Variants in WNT5B observed in about 807,000 individuals in gnomAD.
The protein encoded by WNT5B is protein Wnt-5b.
Under a neutral mutation model 36.5 loss-of-function variants are expected in WNT5B, and 18 were observed. The observed-to-expected ratio is 0.49, with a 90% CI of 0.34 to 0.73. The LOEUF is 0.73. Among genes scored for constraint, WNT5B ranks in the 30% least tolerant of loss-of-function variants. The probability of loss-of-function intolerance (pLI) is 0.01; values close to 1 mark genes in which losing one functional copy is unlikely to be tolerated. For synonymous variants in WNT5B, 213 were observed against 212.3 expected, an observed-to-expected ratio of 1.00 and a Z score of -0.03; for missense variants, 424 against 508.4, an observed-to-expected ratio of 0.83 and a Z score of 1.60.
chr12:1,621,836 T>C (rs1341836418), intron 1 of WNT5B, among the ~76,000 whole-genome samples: 5 of 151,918 alleles, frequency 3.3e-5, no homozygotes, highest in African/African-American at 9.7e-5. Flanking sequence ...TGAGCCACCA[T>C]GCCTGGCCCC....
upstream of WNT5B, among the ~76,000 whole-genome samples, chr12:1,625,328 T>A (rs1285298975): frequency 6.6e-6 from 1 of 152,214 alleles, no homozygotes; most frequent in East Asian, 1.9e-4. Flanking sequence ...GGGTGAGTAC[T>A]CACCTGGAAA....
Position 1,632,995 on chromosome 12 carries a change from A to T in WNT5B, c.328+90A>T. On this transcript the variant is annotated intron_variant, in intron 3 of 4. Coordinates refer to ENST00000397196, the MANE Select transcript of WNT5B (RefSeq NM_032642.3). The surrounding 1 kb of genome is among the most constrained non-coding windows in gnomAD (Gnocchi z 5.8). ...GCTCTCTCAGGACTGGCACAGGGAGAGCCCAAAGGCAGCCTAAGTGGGCTC... is the reference window on the plus strand; with the variant it reads ...GCTCTCTCAGGACTGGCACAGGGAGTGCCCAAAGGCAGCCTAAGTGGGCTC... 6.6e-7 allele frequency: 1 copy of T among 1,514,372 alleles called. No homozygotes were observed. The highest frequency in any genetic ancestry group is 2.3e-5 in the East Asian group (1 of 43,912). The allele number at this position is 1,514,372 out of a possible 1,614,324, so 93.8% of individuals were successfully genotyped here.
chr12:1,622,988 G>A (rs2094535877), intron 1 of WNT5B, among the ~76,000 whole-genome samples: 1 of 152,072 alleles, frequency 6.6e-6, no homozygotes, highest in Middle Eastern at 3.2e-3. Flanking sequence ...ATTCCCAGAA[G>A]TCGGCAAGGC....
Position 1,630,419 on chromosome 12 carries a change from G to C in WNT5B, c.-57-879G>C, listed in dbSNP as rs2094548284. On this transcript the variant is annotated intron_variant, in intron 1 of 4. Coordinates refer to ENST00000397196, the MANE Select transcript of WNT5B (RefSeq NM_032642.3). The surrounding 1 kb of genome is among the most constrained non-coding windows in gnomAD (Gnocchi z 5.3). ...GATAGAGGAACAGGCGTGGGTTACAGCAGGCAGGAGGCCAAGAGGCGGGAG... is the reference window on the plus strand; with the variant it reads ...GATAGAGGAACAGGCGTGGGTTACACCAGGCAGGAGGCCAAGAGGCGGGAG... Among the ~76,000 whole-genome samples the C allele has an allele frequency of 6.6e-6, 1 of 152,196 alleles. No individual in the cohort carries two copies. Among genetic ancestry groups the C allele is most frequent in the Non-Finnish European group, 1.5e-5 (1 of 68,024 alleles).
chr12:1,643,267 G>A (rs1408318428), intron 4 of WNT5B, among the ~76,000 whole-genome samples: 5 of 152,132 alleles, frequency 3.3e-5, no homozygotes, highest in African/African-American at 1.2e-4. Context: ...GCCTAATCCT[G>A]TAACATTCCT....
rs182063423 is a variant in WNT5B at position 1,634,541 on chromosome 12, C to A, written c.328+1636C>A. Among the ~76,000 whole-genome samples, 14 of 152,282 alleles carry A rather than the reference C, an allele frequency of 9.2e-5. No homozygotes were observed. The East Asian group carries it at 2.7e-3, about 29-fold the overall frequency. ...CACTAGGTGGCCAGCGAAAGCAAAC[C>A]CTGTCGAAGAGAGCCCATCTCTCTG... On this transcript the variant is annotated intron_variant, in intron 3 of 4. Transcript: ENST00000397196.
At chr12:1,635,521 T>G (rs1006701235) in intron 3 of WNT5B, among the ~76,000 whole-genome samples, 2 of 152,212 alleles carry the variant, frequency 1.3e-5, no homozygotes, top group African/African-American at 4.8e-5. Flanking sequence ...ATTCTGGTGA[T>G]TGGAGTCATT....
chr12:1,624,421 T>C (rs1592517632), upstream of WNT5B, among the ~76,000 whole-genome samples: 1 of 150,686 alleles, frequency 6.6e-6, no homozygotes, highest in African/African-American at 2.4e-5. Context: ...GAGAAGGTGT[T>C]ATGCTCTAGT....
In WNT5B at chr12:1,633,653, C is replaced by A. The variant is rs967855857; in HGVS notation, c.328+748C>A. ...TGGCAAGAAATTGAGAAATCCGGCCCTATTCTACTGGGTCTTATCCCCAGG... is the reference window on the plus strand; with the variant it reads ...TGGCAAGAAATTGAGAAATCCGGCCATATTCTACTGGGTCTTATCCCCAGG... On this transcript the variant is annotated intron_variant, in intron 3 of 4. Transcript: ENST00000397196. This position sits in a 1 kb window ranked among gnomAD's most constrained non-coding sequence, Gnocchi z 4.8. 2.6e-5 allele frequency among the ~76,000 whole-genome samples: 4 copies of A among 152,150 alleles called. No individual in the cohort carries two copies. The highest frequency in any genetic ancestry group is 9.7e-5 in the African/African-American group (4 of 41,434).
At chr12:1,642,453 G>A (rs941208664) in intron 4 of WNT5B, among the ~76,000 whole-genome samples, 6 of 152,226 alleles carry the variant, frequency 3.9e-5, no homozygotes, top group Middle Eastern at 3.4e-3. Flanking sequence ...CTTTGCCTTG[G>A]TAGGTTGGCG....
Position 1,645,920 on chromosome 12 carries a change from G to T in WNT5B, c.748G>T (p.Asp250Tyr). Residue 250 changes from aspartate to tyrosine, a missense_variant, in exon 5 of 5, where the codon GAC becomes TAC. Asp to Tyr is a radical substitution (Grantham distance 160). Coordinates refer to ENST00000397196, the MANE Select transcript of WNT5B (RefSeq NM_032642.3). Reference sequence around the variant, plus strand: ...CGGGGACCGGCTGAAGGAGAAGTACGACAGCGCGGCCGCCATGCGCGTCAC... The same window carrying T: ...CGGGGACCGGCTGAAGGAGAAGTACTACAGCGCGGCCGCCATGCGCGTCAC... ...KVGDRLKEKY[D>Y]SAAAMRVTRK... 1 of 1,610,422 alleles carries T rather than the reference G, an allele frequency of 6.2e-7. No individual in the cohort carries two copies. Among genetic ancestry groups the T allele is most frequent in the Non-Finnish European group, 8.5e-7 (1 of 1,179,868 alleles).
At chr12:1,639,355 G>A (rs978951517) in intron 3 of WNT5B, among the ~76,000 whole-genome samples, 1 of 152,178 alleles carries the variant, frequency 6.6e-6, no homozygotes, top group African/African-American at 2.4e-5. Flanking sequence ...GGCCAGGCTG[G>A]TCTCGATCTC....
intron 3 of WNT5B, among the ~76,000 whole-genome samples, chr12:1,634,344 T>C (rs2094556569): frequency 6.6e-6 from 1 of 152,104 alleles, no homozygotes; most frequent in South Asian, 2.1e-4. Context: ...AGGTGCAGAG[T>C]CTCCTCTAAT....
upstream of WNT5B, among the ~76,000 whole-genome samples, chr12:1,629,034 TG>T (rs1467755280): frequency 2.7e-5 from 4 of 150,406 alleles, no homozygotes; most frequent in Admixed American, 2.6e-4. Flanking sequence ...AGAGCCATTT[TG>T]GGGGGCAATT....
chr12:1,628,960 TGG>T (rs2094545096), upstream of WNT5B, among the ~76,000 whole-genome samples: 1 of 151,190 alleles, frequency 6.6e-6, no homozygotes, highest in Non-Finnish European at 1.5e-5. Context: ...TATGTGTGTA[TGG>T]GGGAGTTCAG....
rs115009066 is a variant in WNT5B at position 1,642,474 on chromosome 12, G to C, written c.621+2498G>C. Among the ~76,000 whole-genome samples the C allele has an allele frequency of 4.1e-3, 622 of 152,270 alleles. 6 individuals are homozygous for C. Among genetic ancestry groups the C allele is most frequent in the African/African-American group, 0.014 (600 of 41,548 alleles). Reference sequence around the variant, plus strand: ...CTTGGTAGGTTGGCGGTAGGTTCCTGTGGGCAGGGATTGCCCTCTCTGCCC... The same window carrying C: ...CTTGGTAGGTTGGCGGTAGGTTCCTCTGGGCAGGGATTGCCCTCTCTGCCC... On this transcript the variant is annotated intron_variant, in intron 4 of 4. Transcript: ENST00000397196.
At chr12:1,626,724 T>C (rs914207361), upstream of WNT5B, among the ~76,000 whole-genome samples, 4 of 151,890 alleles carry the variant, frequency 2.6e-5, no homozygotes, top group South Asian at 2.1e-4. Context: ...GCCACCACAC[T>C]GGGCTAATTT....
rs1014694981 is a variant in WNT5B at position 1,633,022 on chromosome 12, C to T, written c.328+117C>T. ...CCCAAAGGCAGCCTAAGTGGGCTCTCTCTAGGCTTGGCAGCAGTGTGCACC... is the reference window on the plus strand; with the variant it reads ...CCCAAAGGCAGCCTAAGTGGGCTCTTTCTAGGCTTGGCAGCAGTGTGCACC... On this transcript the variant is annotated intron_variant, in intron 3 of 4. Coordinates refer to ENST00000397196, the MANE Select transcript of WNT5B (RefSeq NM_032642.3). The surrounding 1 kb of genome is among the most constrained non-coding windows in gnomAD (Gnocchi z 4.8). 1 of 1,443,000 alleles carries T rather than the reference C, an allele frequency of 6.9e-7. No homozygotes were observed. The highest frequency in any genetic ancestry group is 1.4e-5 in the African/African-American group (1 of 70,638). The allele number at this position is 1,443,000 out of a possible 1,614,324, so 89.4% of individuals were successfully genotyped here.
Position 1,645,871 on chromosome 12 carries a change from G to T in WNT5B, c.699G>T (p.Leu233=). The change falls in exon 5 of 5, where the codon CTG becomes CTT. Residue 233 remains leucine, a synonymous_variant. Coordinates refer to ENST00000397196, the MANE Select transcript of WNT5B (RefSeq NM_032642.3). ...SGSCSLKTCW[L]QLAEFRKVGD... ...CCTGCAGCCTCAAGACCTGCTGGCT[G>T]CAGCTGGCCGAGTTCCGCAAGGTCG... 6.2e-7 allele frequency: 1 copy of T among 1,611,252 alleles called. No individual in the cohort carries two copies.
Sources: gnomAD v4.1 joint callset for allele counts (sites outside exome capture counted in the v4.1 genomes callset) on GRCh38, gnomAD v4.1.1 for gene constraint, Gnocchi (gnomAD v3.1) non-coding constraint, MANE v1.5 for transcripts, NCBI Gene and HGNC (gene_info 2026-07-23, HGNC 2026-07-21) for gene names.